The following NBEA variants were observed in gnomAD, a reference collection of about 807,000 sequenced individuals.
The protein encoded by NBEA is lysosomal-trafficking regulator 2.
In NBEA, 44 loss-of-function variants were observed where a neutral mutation model predicts 343.4. That is an observed-to-expected ratio of 0.13 (90% confidence interval 0.10 to 0.16). NBEA has a LOEUF of 0.16. Ranked by LOEUF, NBEA falls within the 10% of genes least tolerant of loss-of-function variation. NBEA has a pLI of 1.00. For synonymous variants in NBEA, 1,175 were observed against 1,238.7 expected, an observed-to-expected ratio of 0.95 and a Z score of 1.08; for missense variants, 2,555 against 3,631.3, an observed-to-expected ratio of 0.70 and a Z score of 7.62.
intron 44 of NBEA, among the ~76,000 whole-genome samples, chr13:35,565,956 C>A (rs2080118587): frequency 6.6e-6 from 1 of 152,196 alleles, no homozygotes; most frequent in South Asian, 2.1e-4. Context: ...CTCATCCTAG[C>A]TTCAGAGTAC....
At chr13:35,425,388 C>G (rs1423163547) in intron 38 of NBEA, among the ~76,000 whole-genome samples, 5 of 152,114 alleles carry the variant, frequency 3.3e-5, no homozygotes, top group Non-Finnish European at 7.3e-5. Context: ...TTATTTCTGC[C>G]TTCATTTTGT....
intron 1 of NBEA, among the ~76,000 whole-genome samples, chr13:35,035,829 C>T (rs781600739): frequency 6.6e-6 from 1 of 151,776 alleles, no homozygotes. Flanking sequence ...AGTATAGTGA[C>T]TTCTGCTCTT....
At chr13:35,004,808 C>G (rs1284037081) in intron 1 of NBEA, among the ~76,000 whole-genome samples, 1 of 152,136 alleles carries the variant, frequency 6.6e-6, no homozygotes, top group Non-Finnish European at 1.5e-5. Flanking sequence ...TAATGTTTGT[C>G]TGGACATTTG....
intron 44 of NBEA, among the ~76,000 whole-genome samples, chr13:35,564,392 C>G (rs1037893267): frequency 1.3e-5 from 2 of 151,902 alleles, no homozygotes; most frequent in Admixed American, 1.3e-4. Context: ...AACAGCTCCC[C>G]CAAGAAAATG....
At chr13:34,960,979 A>G (rs2059643135) in intron 1 of NBEA, among the ~76,000 whole-genome samples, 1 of 152,082 alleles carries the variant, frequency 6.6e-6, no homozygotes, top group Non-Finnish European at 1.5e-5. Flanking sequence ...ACCCAATTAC[A>G]TTGAAAAATT....
At chr13:35,230,022 A>G (rs1054418233) in intron 33 of NBEA, among the ~76,000 whole-genome samples, 2 of 152,102 alleles carry the variant, frequency 1.3e-5, no homozygotes, top group Non-Finnish European at 2.9e-5. Context: ...GTAAAATATT[A>G]TATTCTTTGC....
intron 44 of NBEA, among the ~76,000 whole-genome samples, chr13:35,559,345 G>T (rs1283694004): frequency 6.6e-6 from 1 of 152,060 alleles, no homozygotes; most frequent in Non-Finnish European, 1.5e-5. Flanking sequence ...ACGAACACGG[G>T]TCCTAAAAAT....
intron 55 of NBEA, among the ~76,000 whole-genome samples, chr13:35,662,605 A>G (rs2085152069): frequency 6.6e-6 from 1 of 152,198 alleles, no homozygotes; most frequent in Non-Finnish European, 1.5e-5. Context: ...CAGGGGCCCT[A>G]AAAAATACCC....
At chr13:35,454,588 TGG>T (rs1365042490) in intron 40 of NBEA, among the ~76,000 whole-genome samples, 2 of 151,496 alleles carry the variant, frequency 1.3e-5, no homozygotes, top group Non-Finnish European at 2.9e-5. Context: ...AGGCCAGGAG[TGG>T]TTGCTCACAC....
chr13:35,303,139 A>G lies in NBEA; in HGVS notation c.5839-6389A>G, dbSNP rs556744743. The stretch of plus-strand genomic sequence containing the variant: ...AACAAAAAAATCTTCTTTACATTAA[A>G]AAAATCCTTTCTCATTTTCATAATT... On this transcript the variant is annotated intron_variant, in intron 35 of 58. Transcript: ENST00000379939. 5.3e-5 allele frequency among the ~76,000 whole-genome samples: 8 copies of G among 152,300 alleles called. No homozygotes were observed. The East Asian group carries it at 1.2e-3, about 22-fold the overall frequency.
intron 1 of NBEA, among the ~76,000 whole-genome samples, chr13:35,003,291 G>A (rs1257491988): frequency 6.6e-6 from 1 of 152,134 alleles, no homozygotes; most frequent in Non-Finnish European, 1.5e-5. Flanking sequence ...GCTGAGGTAA[G>A]AGAATTGATT....
intron 31 of NBEA, among the ~76,000 whole-genome samples, chr13:35,205,554 A>G (rs1185325554): frequency 4.6e-5 from 7 of 152,064 alleles, no homozygotes; most frequent in Non-Finnish European, 1.0e-4. Flanking sequence ...ATCAACTGTC[A>G]TCCTAACTGT....
intron 38 of NBEA, among the ~76,000 whole-genome samples, chr13:35,386,586 C>T (rs2042252656): frequency 6.6e-6 from 1 of 151,840 alleles, no homozygotes; most frequent in South Asian, 2.1e-4. Context: ...ATAATGTTGA[C>T]CTAGTTAAAA....
intron 4 of NBEA, among the ~76,000 whole-genome samples, chr13:35,046,137 A>G (rs2062846746): frequency 6.6e-6 from 1 of 152,182 alleles, no homozygotes. Context: ...TTTGAGTAGT[A>G]TGGCATTTTA....
intron 39 of NBEA, among the ~76,000 whole-genome samples, chr13:35,437,469 A>G (rs146359985): frequency 0.013 from 1,995 of 152,220 alleles, 50 homozygotes; most frequent in African/African-American, 0.046. Context: ...TTTTTTAGTA[A>G]TACTAATGAG....
chr13:35,066,256 C>T (rs1426324811), intron 8 of NBEA, among the ~76,000 whole-genome samples: 1 of 152,050 alleles, frequency 6.6e-6, no homozygotes, highest in Non-Finnish European at 1.5e-5. Context: ...CCACTGAGCC[C>T]AGCTATGTGT....
At chr13:35,213,803 A>T (rs2073917838) in intron 33 of NBEA, among the ~76,000 whole-genome samples, 1 of 151,888 alleles carries the variant, frequency 6.6e-6, no homozygotes, top group South Asian at 2.1e-4. Context: ...ATACATTTTA[A>T]TGAGTTTTGA....
In NBEA at chr13:35,182,544, T is replaced by C; in HGVS notation, c.4831+16T>C. On this transcript the variant is annotated intron_variant, in intron 29 of 58. Transcript: ENST00000379939. ...ACAAGTACAGGTACTTAACATTGTATAATTATTTGAATTTTCACCATGATG... is the reference window on the plus strand; with the variant it reads ...ACAAGTACAGGTACTTAACATTGTACAATTATTTGAATTTTCACCATGATG... 1 of 1,589,506 alleles carries C rather than the reference T, an allele frequency of 6.3e-7. No individual in the cohort carries two copies. The highest frequency in any genetic ancestry group is 8.6e-7 in the Non-Finnish European group (1 of 1,169,406).
intron 45 of NBEA, among the ~76,000 whole-genome samples, chr13:35,575,532 C>G (rs2080694744): frequency 6.6e-6 from 1 of 151,958 alleles, no homozygotes. Context: ...ATAACAATAC[C>G]CATTAACCAA....
Sources: gnomAD v4.1 joint callset for allele counts (sites outside exome capture counted in the v4.1 genomes callset) on GRCh38, gnomAD v4.1.1 for gene constraint, MANE v1.5 for transcripts, NCBI Gene and HGNC (gene_info 2026-07-23, HGNC 2026-07-21) for gene names.